Variants in WDFY3 observed in about 807,000 individuals in gnomAD.
WDFY3 encodes WD repeat and FYVE domain-containing protein 3.
Under a neutral mutation model 409.6 loss-of-function variants are expected in WDFY3, and 66 were observed. The observed-to-expected ratio is 0.16, with a 90% CI of 0.13 to 0.20. The LOEUF (loss-of-function observed/expected upper bound fraction) is 0.20, where lower values mean the gene tolerates loss of function less well. WDFY3 is among the 10% of genes least tolerant of loss of function. The probability of loss-of-function intolerance (pLI) is 1.00; values close to 1 mark genes in which losing one functional copy is unlikely to be tolerated. For missense variants in WDFY3, 3,031 were observed against 4,298.1 expected (o/e 0.71, Z 8.24); for synonymous variants, 1,521 against 1,537.1 (o/e 0.99, Z 0.25).
At chr4:84,901,249 T>C (rs1766299976) in intron 2 of WDFY3, among the ~76,000 whole-genome samples, 1 of 152,214 alleles carries the variant, frequency 6.6e-6, no homozygotes, top group Admixed American at 6.5e-5. Context: ...AAAACTCACG[T>C]TGAAATTTAA....
intron 2 of WDFY3, among the ~76,000 whole-genome samples, chr4:84,918,281 G>C (rs1243420200): frequency 6.6e-6 from 1 of 152,120 alleles, no homozygotes; most frequent in Non-Finnish European, 1.5e-5. Flanking sequence ...ACTATAAAAT[G>C]CTAGAAACTA....
intron 37 of WDFY3, among the ~76,000 whole-genome samples, chr4:84,742,560 C>G (rs1475329151): frequency 1.3e-5 from 2 of 152,108 alleles, no homozygotes; most frequent in Non-Finnish European, 2.9e-5. Flanking sequence ...TCCCCAACTC[C>G]CAGGCCATGG....
intron 5 of WDFY3, among the ~76,000 whole-genome samples, chr4:84,846,703 T>C (rs963385905): frequency 6.6e-6 from 1 of 151,250 alleles, no homozygotes; most frequent in Non-Finnish European, 1.5e-5. Flanking sequence ...ATTAAAATGC[T>C]TGTAAACGTA....
intron 32 of WDFY3, among the ~76,000 whole-genome samples, chr4:84,759,121 C>T (rs553777819): frequency 1.1e-3 from 173 of 152,104 alleles, no homozygotes; most frequent in African/African-American, 1.5e-3. Context: ...TGTAGATATG[C>T]GGCGTTATTT....
intron 62 of WDFY3, 38 bp from the exon 63 acceptor site, chr4:84,684,163 C>A: frequency 6.8e-7 from 1 of 1,478,752 alleles, no homozygotes; most frequent in South Asian, 1.4e-5. Flanking sequence ...TCTTTGCTCC[C>A]TTCCAATTAC....
In WDFY3 at chr4:84,671,863, C is replaced by T. The variant is rs1189348569; in HGVS notation, c.*1005G>A. 6.6e-6 allele frequency: 1 copy of T among 152,408 alleles called. No individual in the cohort carries two copies. Among genetic ancestry groups the T allele is most frequent in the Non-Finnish European group, 1.5e-5 (1 of 68,022 alleles). 9.4% of individuals were successfully genotyped at this position (152,408 alleles called of 1,614,324 possible). A position where few individuals can be genotyped will look rare whatever the true frequency, so the allele number is the denominator to read the frequency against. On this transcript the variant is annotated 3_prime_UTR_variant, in exon 68 of 68. Coordinates refer to ENST00000295888, the MANE Select transcript of WDFY3 (RefSeq NM_014991.6). ...TGTTTGAAAATAAGCTATAGTAGAA[C>T]ATTAGTGTCACCAAAGACACATACT...
chr4:84,690,009 T>C (rs1019813692), intron 61 of WDFY3, among the ~76,000 whole-genome samples: 3 of 152,192 alleles, frequency 2.0e-5, no homozygotes, highest in African/African-American at 4.8e-5. Context: ...AATAGAATCA[T>C]GTATGTAATA....
intron 4 of WDFY3, among the ~76,000 whole-genome samples, chr4:84,852,036 A>C (rs1759096040): frequency 1.3e-5 from 2 of 152,218 alleles, no homozygotes; most frequent in Non-Finnish European, 2.9e-5. Flanking sequence ...TTCCTTATTA[A>C]GTCAAGAACT....
At chr4:84,901,927 CCT>C (rs1766390899) in intron 2 of WDFY3, among the ~76,000 whole-genome samples, 1 of 152,144 alleles carries the variant, frequency 6.6e-6, no homozygotes, top group Non-Finnish European at 1.5e-5. Flanking sequence ...CAATATTTCC[CCT>C]GTCAAATATG....
intron 15 of WDFY3, among the ~76,000 whole-genome samples, chr4:84,807,189 C>G (rs548757369): frequency 6.6e-6 from 1 of 152,114 alleles, no homozygotes; most frequent in African/African-American, 2.4e-5. Context: ...GAAAAATACA[C>G]GATATCAACT....
At chr4:84,704,037 G>A (rs76404633) in intron 55 of WDFY3, among the ~76,000 whole-genome samples, 10,006 of 152,230 alleles carry the variant, frequency 0.066, 457 homozygotes, top group Admixed American at 0.12. Context: ...CAGAGAATGA[G>A]CTGGAATATA....
intron 45 of WDFY3, 149 bp downstream of exon 45, chr4:84,726,712 G>GT (rs1451065771): frequency 1.6e-6 from 1 of 607,074 alleles, no homozygotes; most frequent in African/African-American, 1.9e-5. Context: ...TGAAACCAAC[G>GT]GTTCAACTCT....
At chr4:84,680,890 A>G (rs1412333502) in intron 64 of WDFY3, among the ~76,000 whole-genome samples, 1 of 152,226 alleles carries the variant, frequency 6.6e-6, no homozygotes, top group Admixed American at 6.5e-5. Context: ...TTTTGGTATC[A>G]AAAGGAGGTC....
At chr4:84,711,511 T>C (rs1291221935) in intron 51 of WDFY3, among the ~76,000 whole-genome samples, 1 of 151,918 alleles carries the variant, frequency 6.6e-6, no homozygotes, top group Non-Finnish European at 1.5e-5. Context: ...ATCAAAGAAA[T>C]ATACATTAAA....
intron 33 of WDFY3, 55 bp downstream of exon 33, chr4:84,756,871 A>G: frequency 6.6e-7 from 1 of 1,525,972 alleles, no homozygotes; most frequent in Non-Finnish European, 9.0e-7. Flanking sequence ...CCATTATCCT[A>G]CGGTGATTCT....
At chr4:84,728,919 T>C (rs965675953) in intron 44 of WDFY3, among the ~76,000 whole-genome samples, 5 of 152,184 alleles carry the variant, frequency 3.3e-5, no homozygotes, top group Non-Finnish European at 5.9e-5. Context: ...AATAATGTTA[T>C]AGTCCTTTTA....
chr4:84,902,693 A>C (rs939960937), intron 2 of WDFY3, among the ~76,000 whole-genome samples: 1 of 152,226 alleles, frequency 6.6e-6, no homozygotes, highest in Non-Finnish European at 1.5e-5. Flanking sequence ...TGATATTCCT[A>C]CTTTTAAAAG....
chr4:84,761,189 G>T (rs1236000565), intron 32 of WDFY3, among the ~76,000 whole-genome samples: 1 of 151,980 alleles, frequency 6.6e-6, no homozygotes, highest in Non-Finnish European at 1.5e-5. Flanking sequence ...TATAATTTCT[G>T]TTCTTTTACA....
intron 58 of WDFY3, 112 bp downstream of exon 58, chr4:84,695,858 T>C: frequency 4.0e-6 from 4 of 1,000,768 alleles, no homozygotes; most frequent in Non-Finnish European, 4.4e-6. Context: ...GTGATATTTA[T>C]GGCTCTTTAT....
Sources: allele counts gnomAD v4.1 joint callset (sites outside exome capture counted in the v4.1 genomes callset), GRCh38; gene constraint gnomAD v4.1.1; transcripts MANE v1.5; gene names NCBI Gene and HGNC (gene_info 2026-07-23, HGNC 2026-07-21).